The following GRM1 variants were observed in gnomAD, a reference collection of about 807,000 sequenced individuals.
GRM1 encodes glutamate metabotropic receptor 1.
GRM1 carries 33 observed loss-of-function variants against 90.9 expected under a neutral mutation model. The ratio of observed to expected loss-of-function variants is 0.36; its 90% CI spans 0.28 to 0.49. GRM1 has a LOEUF of 0.49. Among genes scored for constraint, GRM1 ranks in the 20% least tolerant of loss-of-function variants. The pLI is 0.99. For synonymous variants in GRM1, 700 were observed against 613.2 expected, an observed-to-expected ratio of 1.14 and a Z score of -2.09; for missense variants, 1,190 against 1,534.3, an observed-to-expected ratio of 0.78 and a Z score of 3.75.
intron 2 of GRM1, among the ~76,000 whole-genome samples, chr6:146,253,846 G>A (rs1254449593): frequency 6.6e-6 from 1 of 152,120 alleles, no homozygotes; most frequent in Non-Finnish European, 1.5e-5. Flanking sequence ...GCATTGTTCA[G>A]TAGAAAAGAC....
chr6:146,033,079 A>G (rs1790764359), intron 1 of GRM1, among the ~76,000 whole-genome samples: 1 of 152,196 alleles, frequency 6.6e-6, no homozygotes, highest in Non-Finnish European at 1.5e-5. Flanking sequence ...ATAAAATGAA[A>G]GAAAATCAGT....
intron 3 of GRM1, among the ~76,000 whole-genome samples, chr6:146,329,197 A>G (rs1290558886): frequency 6.6e-6 from 1 of 152,218 alleles, no homozygotes; most frequent in African/African-American, 2.4e-5. Context: ...GCACAATGAA[A>G]AGGTGAGTGT....
chr6:146,145,980 C>G (rs1400237084), intron 1 of GRM1, among the ~76,000 whole-genome samples: 2 of 151,776 alleles, frequency 1.3e-5, no homozygotes, highest in African/African-American at 2.4e-5. Flanking sequence ...CTTCTGAAGT[C>G]TTAAGATTTA....
chr6:146,313,803 G>A (rs1022497379), intron 3 of GRM1, among the ~76,000 whole-genome samples: 1 of 152,026 alleles, frequency 6.6e-6, no homozygotes, highest in Non-Finnish European at 1.5e-5. Flanking sequence ...TTAAGATACT[G>A]AACATATTGC....
intron 1 of GRM1, among the ~76,000 whole-genome samples, chr6:146,124,325 A>G (rs1207734701): frequency 1.3e-5 from 2 of 152,194 alleles, no homozygotes; most frequent in Non-Finnish European, 2.9e-5. Flanking sequence ...GACTAGTTCT[A>G]TATAATAATT....
chr6:146,237,218 A>C (rs187861934), intron 2 of GRM1, among the ~76,000 whole-genome samples: 3 of 152,036 alleles, frequency 2.0e-5, no homozygotes, highest in Non-Finnish European at 4.4e-5. Context: ...GGAAAGTTAC[A>C]CTACTTTCAG....
chr6:146,217,954 T>A (rs1243098454), intron 2 of GRM1, among the ~76,000 whole-genome samples: 1 of 152,202 alleles, frequency 6.6e-6, no homozygotes, highest in Non-Finnish European at 1.5e-5. Flanking sequence ...TTGCCGACTA[T>A]TTTGTTACAC....
intron 2 of GRM1, among the ~76,000 whole-genome samples, chr6:146,213,852 A>G (rs187492384): frequency 6.6e-6 from 1 of 152,194 alleles, no homozygotes; most frequent in African/African-American, 2.4e-5. Flanking sequence ...ATGTCTCAGT[A>G]CAAGTATGCA....
intron 1 of GRM1, among the ~76,000 whole-genome samples, chr6:146,115,285 A>C (rs1775702070): frequency 6.6e-6 from 1 of 152,042 alleles, no homozygotes; most frequent in South Asian, 2.1e-4. Context: ...TATATAGTAC[A>C]TATGGAATAT....
rs1356325345 is a variant in GRM1, at chr6:146,304,862, A to G, written c.1186+16A>G. On this transcript the variant is annotated intron_variant, in intron 3 of 7. Transcript: ENST00000282753. The stretch of plus-strand genomic sequence containing the variant: ...ATCTGCACAGGTAACTCATGTTCAC[A>G]AAATAACAACTCAGAGGTTTGGTCA... The G allele has an allele frequency of 1.3e-6, 2 of 1,516,168 alleles. No individual in the cohort carries two copies. The highest frequency in any genetic ancestry group is 2.3e-5 in the East Asian group (1 of 44,420). 93.9% of individuals were successfully genotyped at this position (1,516,168 alleles called of 1,614,324 possible). A position where few individuals can be genotyped will look rare whatever the true frequency, so the allele number is the denominator to read the frequency against.
chr6:146,121,683 T>A (rs1775994173), intron 1 of GRM1, among the ~76,000 whole-genome samples: 1 of 152,194 alleles, frequency 6.6e-6, no homozygotes, highest in Non-Finnish European at 1.5e-5. Flanking sequence ...CTGCCTTCAT[T>A]TCATTATGTA....
chr6:146,144,086 G>A (rs1005051616), intron 1 of GRM1, among the ~76,000 whole-genome samples: 1 of 152,178 alleles, frequency 6.6e-6, no homozygotes, highest in African/African-American at 2.4e-5. Context: ...TATGGAGCCT[G>A]GGGAGTTGAA....
chr6:146,280,959 C>T (rs1019017385), intron 2 of GRM1, among the ~76,000 whole-genome samples: 2 of 151,958 alleles, frequency 1.3e-5, no homozygotes, highest in African/African-American at 4.8e-5. Flanking sequence ...TTTTTAATAC[C>T]AACCTCACCC....
At chr6:146,207,586 C>CT (rs1779538339) in intron 2 of GRM1, among the ~76,000 whole-genome samples, 1 of 152,100 alleles carries the variant, frequency 6.6e-6, no homozygotes, top group African/African-American at 2.4e-5. Flanking sequence ...ACTTCAATTC[C>CT]TATTTTTCTG....
intron 3 of GRM1, among the ~76,000 whole-genome samples, chr6:146,330,252 G>T (rs760831274): frequency 1.3e-5 from 2 of 152,102 alleles, no homozygotes; most frequent in African/African-American, 4.8e-5. Context: ...CTTGTTAAAT[G>T]GATTTTTGTT....
At chr6:146,396,393 C>T (rs1304900511) in intron 6 of GRM1, among the ~76,000 whole-genome samples, 4 of 152,080 alleles carry the variant, frequency 2.6e-5, no homozygotes, top group Non-Finnish European at 4.4e-5. Context: ...GTTGACAACA[C>T]GGGAAGTATT....
Position 146,169,581 on chromosome 6 carries a change from G to A in GRM1, c.950+9984G>A, listed in dbSNP as rs539490830. Among the ~76,000 whole-genome samples the A allele has an allele frequency of 1.3e-3, 197 of 152,110 alleles. 1 individual carries two copies. Among genetic ancestry groups the A allele is most frequent in the African/African-American group, 4.6e-3 (189 of 41,480 alleles). On this transcript the variant is annotated intron_variant, in intron 2 of 7. Coordinates refer to ENST00000282753, the MANE Select transcript of GRM1 (RefSeq NM_001278064.2). Reference sequence around the variant, plus strand: ...TTTTCAACCCACTTTTCTCCTTTTTGGTACTCTGTCCCAGTAAGTCTACCT... The same window carrying A: ...TTTTCAACCCACTTTTCTCCTTTTTAGTACTCTGTCCCAGTAAGTCTACCT...
At chr6:146,257,700 CGTG>C (rs1382648691) in intron 2 of GRM1, among the ~76,000 whole-genome samples, 1 of 152,058 alleles carries the variant, frequency 6.6e-6, no homozygotes, top group Non-Finnish European at 1.5e-5. Context: ...GGAGAAGACT[CGTG>C]AACCAGCTCA....
At chr6:146,218,210 A>T (rs1480146806) in intron 2 of GRM1, among the ~76,000 whole-genome samples, 1 of 152,172 alleles carries the variant, frequency 6.6e-6, no homozygotes, top group East Asian at 1.9e-4. Context: ...TGAAAAACTT[A>T]GCATGATTTT....
Sources: gnomAD v4.1 joint callset for allele counts (sites outside exome capture counted in the v4.1 genomes callset) on GRCh38, gnomAD v4.1.1 for gene constraint, MANE v1.5 for transcripts, NCBI Gene and HGNC (gene_info 2026-07-23, HGNC 2026-07-21) for gene names.